Variants in NUMB observed in about 807,000 individuals in gnomAD.
NUMB encodes the protein protein numb homolog.
A neutral mutation model predicts 59.7 loss-of-function variants in NUMB; 29 were observed. The observed-to-expected ratio is 0.49, with a 90% CI of 0.36 to 0.66. The LOEUF (loss-of-function observed/expected upper bound fraction) is 0.66. Among genes scored for constraint, NUMB ranks in the 30% least tolerant of loss-of-function variants. NUMB has a pLI of 0.00. For synonymous variants in NUMB, 288 were observed against 288.2 expected (o/e 1.00, Z 0.01); for missense variants, 723 against 822.0 (o/e 0.88, Z 1.47).
intron 12 of NUMB, among the ~76,000 whole-genome samples, chr14:73,277,746 A>C (rs1360830234): frequency 6.8e-6 from 1 of 146,260 alleles, no homozygotes; most frequent in Admixed American, 7.0e-5. Flanking sequence ...TGGGCAACAC[A>C]GTGAGAATTC....
At chr14:73,399,364 A>C (rs1164145631) in intron 2 of NUMB, among the ~76,000 whole-genome samples, 1 of 151,986 alleles carries the variant, frequency 6.6e-6, no homozygotes, top group Non-Finnish European at 1.5e-5. Context: ...CGGAGTTAGA[A>C]ACCAGCCTGA....
At chr14:73,299,842 A>G (rs1890030359) in intron 6 of NUMB, among the ~76,000 whole-genome samples, 1 of 152,160 alleles carries the variant, frequency 6.6e-6, no homozygotes, top group Non-Finnish European at 1.5e-5. Flanking sequence ...ATAAACTAGC[A>G]TGTTATACTT....
At chr14:73,334,578 GA>G (rs1172800924) in intron 4 of NUMB, among the ~76,000 whole-genome samples, 2 of 151,968 alleles carry the variant, frequency 1.3e-5, no homozygotes, top group Non-Finnish European at 2.9e-5. Context: ...GGGCCTATTC[GA>G]CTTTTCTTTT....
chr14:73,418,104 C>CA (rs372295425), intron 1 of NUMB, among the ~76,000 whole-genome samples: 177 of 134,166 alleles, frequency 1.3e-3, no homozygotes, highest in Middle Eastern at 3.7e-3. Flanking sequence ...GACTCTGTCT[C>CA]AAAAAAAAAA....
At chr14:73,447,659 A>G (rs1488338763) in intron 1 of NUMB, among the ~76,000 whole-genome samples, 13 of 151,040 alleles carry the variant, frequency 8.6e-5, no homozygotes, top group Non-Finnish European at 1.6e-4. Flanking sequence ...CGCAACATAG[A>G]ATGACCTCAT....
At chr14:73,292,329 A>T (rs1251381707) in intron 8 of NUMB, among the ~76,000 whole-genome samples, 2 of 152,204 alleles carry the variant, frequency 1.3e-5, no homozygotes, top group African/African-American at 4.8e-5. Context: ...TATAGGGGTG[A>T]GCCATCAGGC....
At chr14:73,367,320 C>CATATAT (rs1266798734) in intron 2 of NUMB, among the ~76,000 whole-genome samples, 19 of 111,138 alleles carry the variant, frequency 1.7e-4, no homozygotes, top group African/African-American at 5.9e-4. Flanking sequence ...CACACACACA[C>CATATAT]ACATATATAC....
intron 1 of NUMB, among the ~76,000 whole-genome samples, chr14:73,443,474 A>G (rs1280226819): frequency 6.6e-6 from 1 of 151,996 alleles, no homozygotes; most frequent in Non-Finnish European, 1.5e-5. Context: ...GCACGCCTGT[A>G]ATCCCAGCTA....
At position 73,276,724 on chromosome 14, in the gene NUMB, T is replaced by A; in HGVS notation, c.1810A>T (p.Thr604Ser). 1 of 1,614,212 alleles carries A rather than the reference T, an allele frequency of 6.2e-7. No individual in the cohort carries two copies. The highest frequency in any genetic ancestry group is 8.5e-7 in the Non-Finnish European group (1 of 1,180,030). Reference protein sequence around the residue: ...DGRLASADRHTEVPTGTCPVD... With the variant: ...DGRLASADRHSEVPTGTCPVD... Reference sequence around the variant, plus strand: ...GGGCAGGTGCCTGTAGGAACCTCTGTATGCCTGTCTGCTGAGGCCAACCTG... The same window carrying A: ...GGGCAGGTGCCTGTAGGAACCTCTGAATGCCTGTCTGCTGAGGCCAACCTG... The change falls in exon 13 of 13, where the codon ACA becomes TCA. Residue 604 changes from threonine (T) to serine (S), a missense_variant. Coordinates refer to ENST00000555238, the MANE Select transcript of NUMB (RefSeq NM_001005743.2).
chr14:73,388,897 A>G (rs912856069), intron 2 of NUMB, among the ~76,000 whole-genome samples: 1 of 152,090 alleles, frequency 6.6e-6, no homozygotes, highest in Non-Finnish European at 1.5e-5. Flanking sequence ...GGAGATCAAG[A>G]CCATCCTAGC....
At chr14:73,373,171 C>A (rs1484874743) in intron 2 of NUMB, among the ~76,000 whole-genome samples, 3 of 152,170 alleles carry the variant, frequency 2.0e-5, no homozygotes, top group East Asian at 1.9e-4. Context: ...CCCACCCAGG[C>A]CCAGCTGTTT....
At chr14:73,291,019 C>G (rs924982841) in intron 8 of NUMB, among the ~76,000 whole-genome samples, 5 of 151,906 alleles carry the variant, frequency 3.3e-5, no homozygotes, top group Admixed American at 2.6e-4. Flanking sequence ...AAACTTCTAT[C>G]ATGCAACAAT....
chr14:73,302,462 A>G (rs1890201438), intron 6 of NUMB, among the ~76,000 whole-genome samples: 1 of 140,894 alleles, frequency 7.1e-6, no homozygotes, highest in Non-Finnish European at 1.5e-5. Flanking sequence ...GCTGGAGTGC[A>G]GTGGAGCAAT....
intron 4 of NUMB, among the ~76,000 whole-genome samples, chr14:73,353,629 T>C (rs10220393): frequency 0.19 from 10,386 of 53,778 alleles, 889 homozygotes; most frequent in African/African-American, 0.42. Flanking sequence ...GGAGAATCGT[T>C]TGAACACAGG....
intron 1 of NUMB, among the ~76,000 whole-genome samples, chr14:73,447,314 C>T (rs540614000): frequency 6.6e-6 from 1 of 151,854 alleles, no homozygotes; most frequent in Admixed American, 6.6e-5. Flanking sequence ...TAGTGAAACC[C>T]CGTCTCTACT....
At chr14:73,355,902 T>C in intron 3 of NUMB, 136 bp from the exon 4 acceptor site, 1 of 624,140 alleles carries the variant, frequency 1.6e-6, no homozygotes, top group Non-Finnish European at 2.7e-6. Flanking sequence ...TATATAATTA[T>C]CATGTAAGCA....
intron 5 of NUMB, 63 bp from the exon 6 acceptor site, chr14:73,316,485 A>G: frequency 6.7e-7 from 1 of 1,483,616 alleles, no homozygotes; most frequent in Non-Finnish European, 9.4e-7. Context: ...CCAGAGTTTC[A>G]CACCAATAAG....
intron 4 of NUMB, among the ~76,000 whole-genome samples, chr14:73,325,435 TAGAG>T (rs1270358244): frequency 1.3e-5 from 2 of 152,206 alleles, no homozygotes; most frequent in Admixed American, 6.5e-5. Context: ...GCCTGGGTGA[TAGAG>T]AGAGACCCTG....
chr14:73,356,183 T>C (rs1361103834), intron 3 of NUMB, among the ~76,000 whole-genome samples: 2 of 152,136 alleles, frequency 1.3e-5, no homozygotes, highest in African/African-American at 4.8e-5. Flanking sequence ...AATTATAGAC[T>C]GCTAACAGTT....
Sources: gnomAD v4.1 joint callset for allele counts (sites outside exome capture counted in the v4.1 genomes callset) on GRCh38, gnomAD v4.1.1 for gene constraint, MANE v1.5 for transcripts, NCBI Gene and HGNC (gene_info 2026-07-23, HGNC 2026-07-21) for gene names.